MAD1L1: variants seen among roughly 807,000 people sequenced by gnomAD.
The protein encoded by MAD1L1 is mitotic spindle assembly checkpoint protein MAD1.
MAD1L1 carries 95 observed loss-of-function variants against 96.9 expected under a neutral mutation model. The observed-to-expected ratio is 0.98, with a 90% CI of 0.83 to 1.16. MAD1L1 has a LOEUF of 1.16. Ranked by LOEUF, MAD1L1 falls within the 50% of genes most tolerant of loss-of-function variation. The pLI, the probability that MAD1L1 is intolerant of heterozygous loss-of-function variation, is 0.00. For synonymous variants in MAD1L1, 473 were observed against 396.6 expected, an observed-to-expected ratio of 1.19 and a Z score of -2.29; for missense variants, 1,007 against 954.4, an observed-to-expected ratio of 1.06 and a Z score of -0.73.
chr7:1,855,109 G>A (rs1447661449), intron 18 of MAD1L1, among the ~76,000 whole-genome samples: 5 of 152,152 alleles, frequency 3.3e-5, no homozygotes, highest in Admixed American at 3.3e-4. Flanking sequence ...GCGGTGAAGA[G>A]CCGCGCGTGT....
chr7:1,847,359 G>A (rs1312325522), intron 18 of MAD1L1: 1 of 470,972 alleles, frequency 2.1e-6, no homozygotes, highest in African/African-American at 2.0e-5. Flanking sequence ...AGGTACCACG[G>A]GGCGGACCAG....
chr7:2,024,487 CATAGAAATTGGCGGTGA>C (rs905847834), intron 12 of MAD1L1, among the ~76,000 whole-genome samples: 11 of 152,342 alleles, frequency 7.2e-5, no homozygotes, highest in Admixed American at 5.2e-4. Flanking sequence ...GTTGCTGTCA[CATAGAAATTGGCGGTGA>C]GCCAATTTCC....
intron 17 of MAD1L1, among the ~76,000 whole-genome samples, chr7:1,933,047 A>ATC (rs1789570624): frequency 6.6e-6 from 1 of 152,004 alleles, no homozygotes; most frequent in South Asian, 2.1e-4. Flanking sequence ...CTCTGAGGAG[A>ATC]TCCAGGAGAC....
Position 2,230,116 on chromosome 7 carries a change from T to C in MAD1L1, c.18A>G (p.Glu6=), listed in dbSNP as rs771757466. Residue 6 remains glutamate, a synonymous_variant, in exon 3 of 19, where the codon GAA becomes GAG. Coordinates refer to ENST00000265854, the MANE Select transcript of MAD1L1 (RefSeq NM_001013836.2). The stretch of plus-strand genomic sequence containing the variant: ...TCAGGGTGGATAAAACCATGGTGTT[T>C]TCCCCCAGGTCTTCCATGGTTGCTT... MEDLG[E]NTMVLSTLRS... 7.5e-6 allele frequency: 12 copies of C among 1,599,146 alleles called. No individual in the cohort carries two copies. Among genetic ancestry groups the C allele is most frequent in the East Asian group, 2.3e-5 (1 of 44,404 alleles).
chr7:2,018,803 G>C (rs1782654749), intron 12 of MAD1L1, among the ~76,000 whole-genome samples: 2 of 151,994 alleles, frequency 1.3e-5, no homozygotes, highest in Admixed American at 1.3e-4. Context: ...CACCAGTGCT[G>C]TGGAGCCTGC....
At chr7:2,211,721 GCT>G (rs1434634766) in intron 10 of MAD1L1, among the ~76,000 whole-genome samples, 1 of 152,248 alleles carries the variant, frequency 6.6e-6, no homozygotes, top group Non-Finnish European at 1.5e-5. Context: ...CCCGGGCCGT[GCT>G]CTGACTTAGC....
rs188981045 is a variant in MAD1L1 at position 2,097,186 on chromosome 7, C to T, written c.1074-27848G>A. On this transcript the variant is annotated intron_variant, in intron 11 of 18. Coordinates refer to ENST00000265854, the MANE Select transcript of MAD1L1 (RefSeq NM_001013836.2). ...GGCTCCACCACGCCCCACCCCACGG[C>T]GCCCAGGCACGCGCTCACCCCTCTT... 5.7e-3 allele frequency among the ~76,000 whole-genome samples: 863 copies of T among 151,918 alleles called. 9 individuals carry two copies. Among genetic ancestry groups the T allele is most frequent in the Non-Finnish European group, 5.7e-3 (384 of 67,886 alleles).
At chr7:1,906,970 T>C (rs1787674629) in intron 17 of MAD1L1, among the ~76,000 whole-genome samples, 1 of 152,084 alleles carries the variant, frequency 6.6e-6, no homozygotes, top group Non-Finnish European at 1.5e-5. Flanking sequence ...TGGCCTCAGA[T>C]GAAAAGCCCT....
chr7:2,130,416 T>C (rs981456617), intron 11 of MAD1L1, among the ~76,000 whole-genome samples: 2 of 151,996 alleles, frequency 1.3e-5, no homozygotes, highest in East Asian at 1.9e-4. Context: ...ACCGAGAAAT[T>C]TGGAATAAGG....
chr7:2,208,659 T>C (rs1792722624), intron 10 of MAD1L1, among the ~76,000 whole-genome samples: 1 of 152,154 alleles, frequency 6.6e-6, no homozygotes, highest in Admixed American at 6.5e-5. Context: ...CTGCACCCCC[T>C]TTCATTCTAC....
intron 11 of MAD1L1, among the ~76,000 whole-genome samples, chr7:2,097,532 G>A (rs1786555702): frequency 1.3e-5 from 2 of 152,186 alleles, no homozygotes; most frequent in Non-Finnish European, 2.9e-5. Context: ...GAATGCCAAG[G>A]AACCCAAGCT....
chr7:1,883,134 C>A (rs1316550727), intron 18 of MAD1L1, among the ~76,000 whole-genome samples: 1 of 150,138 alleles, frequency 6.7e-6, no homozygotes, highest in Admixed American at 6.7e-5. Flanking sequence ...AACCTGGTGT[C>A]ACAAACAATT....
intron 18 of MAD1L1, among the ~76,000 whole-genome samples, chr7:1,823,303 T>C (rs1213599647): frequency 1.3e-5 from 2 of 152,030 alleles, no homozygotes; most frequent in Non-Finnish European, 1.5e-5. Context: ...CACAGAATTA[T>C]GTTAAAAAAG....
intron 18 of MAD1L1, among the ~76,000 whole-genome samples, chr7:1,893,252 CGGCTGGGATGGGAAGTCCT>C (rs202220630): frequency 0.26 from 30,435 of 115,104 alleles, 6,808 homozygotes; most frequent in African/African-American, 0.57. Flanking sequence ...GGTTTGGTCC[CGGCTGGGATGGGAAGTCCT>C]GGCTGGGATG....
intron 18 of MAD1L1, among the ~76,000 whole-genome samples, chr7:1,836,775 A>C (rs1472415746): frequency 1.3e-5 from 2 of 152,200 alleles, no homozygotes; most frequent in East Asian, 3.8e-4. Context: ...AAAAAATGAA[A>C]AAGAGTCAAT....
At chr7:2,100,357 T>C (rs994789160) in intron 11 of MAD1L1, among the ~76,000 whole-genome samples, 1 of 152,240 alleles carries the variant, frequency 6.6e-6, no homozygotes, top group South Asian at 2.1e-4. Context: ...TTCTGACAGA[T>C]AGTAAGAAGC....
At chr7:2,068,726 G>A (rs979040664) in intron 12 of MAD1L1, among the ~76,000 whole-genome samples, 2 of 152,212 alleles carry the variant, frequency 1.3e-5, no homozygotes, top group South Asian at 2.1e-4. Context: ...CAGAACCCCC[G>A]CAGGCACTGA....
intron 15 of MAD1L1, among the ~76,000 whole-genome samples, chr7:1,959,170 TGA>T (rs1562562806): frequency 6.6e-6 from 1 of 152,134 alleles, no homozygotes; most frequent in Non-Finnish European, 1.5e-5. Context: ...AAGAATCGCT[TGA>T]ACCCAGGGGG....
intron 18 of MAD1L1, among the ~76,000 whole-genome samples, chr7:1,850,971 G>T (rs567268741): frequency 6.6e-6 from 1 of 152,204 alleles, no homozygotes; most frequent in Admixed American, 6.5e-5. Context: ...GCCTGGCGTC[G>T]CGTCCGTGGG....
Sources: gnomAD v4.1 joint callset for allele counts (sites outside exome capture counted in the v4.1 genomes callset) on GRCh38, gnomAD v4.1.1 for gene constraint, MANE v1.5 for transcripts, NCBI Gene and HGNC (gene_info 2026-07-23, HGNC 2026-07-21) for gene names.